Variants in POU6F2 observed in about 807,000 individuals in gnomAD.
POU6F2 encodes the protein POU class 6 homeobox 2.
A neutral mutation model predicts 71.3 loss-of-function variants in POU6F2; 31 were observed. The observed-to-expected ratio is 0.43, with a 90% CI of 0.33 to 0.59. POU6F2 has a LOEUF of 0.59. Among genes scored for constraint, POU6F2 ranks in the 20% least tolerant of loss-of-function variants. The pLI is 0.04. For missense variants in POU6F2, 783 were observed against 856.8 expected (o/e 0.91, Z 1.07); for synonymous variants, 347 against 355.7 (o/e 0.98, Z 0.27).
chr7:39,106,235 A>T (rs1185060482), intron 2 of POU6F2, among the ~76,000 whole-genome samples: 1 of 152,204 alleles, frequency 6.6e-6, no homozygotes, highest in Non-Finnish European at 1.5e-5. Flanking sequence ...GCAGATATTT[A>T]CCAGGATCTG....
At chr7:39,047,099 G>A (rs1161793467) in intron 1 of POU6F2, among the ~76,000 whole-genome samples, 2 of 151,894 alleles carry the variant, frequency 1.3e-5, no homozygotes, top group South Asian at 4.2e-4. Flanking sequence ...CTTGATTACT[G>A]TAGCTTTATA....
At chr7:39,036,233 T>C (rs932671672) in intron 1 of POU6F2, among the ~76,000 whole-genome samples, 1 of 152,144 alleles carries the variant, frequency 6.6e-6, no homozygotes, top group African/African-American at 2.4e-5. Flanking sequence ...TCTAGACTTT[T>C]GTGCAGCAGG....
intron 4 of POU6F2, among the ~76,000 whole-genome samples, chr7:39,232,532 T>A: frequency 6.6e-6 from 1 of 152,206 alleles, no homozygotes; most frequent in Admixed American, 6.5e-5. Flanking sequence ...TCCAATTTTT[T>A]AAGAATGTGT....
At chr7:38,991,873 C>T (rs903913742) in intron 1 of POU6F2, among the ~76,000 whole-genome samples, 1 of 152,004 alleles carries the variant, frequency 6.6e-6, no homozygotes, top group African/African-American at 2.4e-5. Context: ...TCTCTCACAT[C>T]TCTATCTTTA....
At chr7:39,115,629 G>A (rs950670590) in intron 2 of POU6F2, among the ~76,000 whole-genome samples, 5 of 152,138 alleles carry the variant, frequency 3.3e-5, no homozygotes, top group East Asian at 3.9e-4. Flanking sequence ...ATATTACTGA[G>A]AGCAAAGTCA....
intron 5 of POU6F2, among the ~76,000 whole-genome samples, chr7:39,391,721 A>G (rs566576847): frequency 1.3e-5 from 2 of 152,348 alleles, no homozygotes; most frequent in East Asian, 3.9e-4. Flanking sequence ...ACTGTCCTTC[A>G]GTACACAGGC....
At chr7:39,227,882 T>G (rs1374880950) in intron 4 of POU6F2, among the ~76,000 whole-genome samples, 1 of 152,128 alleles carries the variant, frequency 6.6e-6, no homozygotes, top group East Asian at 1.9e-4. Context: ...AAAAACTCCC[T>G]GGTTGAGTGT....
At chr7:39,211,938 G>T (rs1328828252) in intron 4 of POU6F2, among the ~76,000 whole-genome samples, 1 of 152,086 alleles carries the variant, frequency 6.6e-6, no homozygotes, top group Non-Finnish European at 1.5e-5. Flanking sequence ...CTCCTCTAAG[G>T]TCAGGCATCT....
At chr7:39,412,778 CTTTT>C (rs1166811956) in intron 6 of POU6F2, among the ~76,000 whole-genome samples, 3 of 23,188 alleles carry the variant, frequency 1.3e-4, no homozygotes, top group Admixed American at 6.3e-4. Context: ...GTTTTCTTGC[CTTTT>C]TTTTTTTTTT....
chr7:38,994,709 C>G (rs1025707435), intron 1 of POU6F2, among the ~76,000 whole-genome samples: 8 of 151,098 alleles, frequency 5.3e-5, no homozygotes, highest in African/African-American at 1.7e-4. Flanking sequence ...TTTACCACTA[C>G]TCTTCCCCTC....
intron 1 of POU6F2, among the ~76,000 whole-genome samples, chr7:39,072,431 G>A (rs1056444613): frequency 2.6e-5 from 4 of 152,178 alleles, no homozygotes; most frequent in African/African-American, 4.8e-5. Flanking sequence ...ATGTTAGCAA[G>A]TGGATATGGG....
chr7:39,388,445 A>G (rs1164304138), intron 5 of POU6F2, among the ~76,000 whole-genome samples: 1 of 152,112 alleles, frequency 6.6e-6, no homozygotes, highest in East Asian at 1.9e-4. Context: ...CCTCCCAAGT[A>G]GCTGAGACTA....
chr7:39,075,356 C>G (rs1478101344), intron 1 of POU6F2, among the ~76,000 whole-genome samples: 2 of 152,060 alleles, frequency 1.3e-5, no homozygotes, highest in Non-Finnish European at 2.9e-5. Context: ...TGGAAACAGT[C>G]AAGTTTTGAG....
intron 1 of POU6F2, among the ~76,000 whole-genome samples, chr7:38,983,926 T>C (rs1446898816): frequency 6.6e-6 from 1 of 152,146 alleles, no homozygotes; most frequent in African/African-American, 2.4e-5. Flanking sequence ...CTTCAGAAAA[T>C]AGCTTTTTGT....
chr7:39,175,712 C>T (rs1793313111), intron 2 of POU6F2, among the ~76,000 whole-genome samples: 1 of 152,074 alleles, frequency 6.6e-6, no homozygotes, highest in Admixed American at 6.6e-5. Flanking sequence ...CCAGAGAAAC[C>T]ATGAAAATCA....
chr7:39,257,626 C>T (rs1784050932), intron 4 of POU6F2, among the ~76,000 whole-genome samples: 1 of 151,946 alleles, frequency 6.6e-6, no homozygotes, highest in African/African-American at 2.4e-5. Flanking sequence ...CACATACTTG[C>T]AAAGAAAAAG....
chr7:39,413,944 A>G (rs1787612863), intron 6 of POU6F2, among the ~76,000 whole-genome samples: 1 of 152,210 alleles, frequency 6.6e-6, no homozygotes, highest in South Asian at 2.1e-4. Context: ...GAGCCCCTCA[A>G]GATGCCCCAC....
At chr7:39,190,357 A>G (rs935184666) in intron 2 of POU6F2, among the ~76,000 whole-genome samples, 1 of 149,246 alleles carries the variant, frequency 6.7e-6, no homozygotes, top group African/African-American at 2.5e-5. Context: ...AAAGAGCACA[A>G]GAACTTGACC....
chr7:38,990,096 C>A (rs1247385099), intron 1 of POU6F2, among the ~76,000 whole-genome samples: 1 of 152,070 alleles, frequency 6.6e-6, no homozygotes, highest in Non-Finnish European at 1.5e-5. Context: ...CCATTCTTCA[C>A]AAAAACTCAA....
Sources: allele counts gnomAD v4.1 joint callset (sites outside exome capture counted in the v4.1 genomes callset), GRCh38; gene constraint gnomAD v4.1.1; transcripts MANE v1.5; gene names NCBI Gene and HGNC (gene_info 2026-07-23, HGNC 2026-07-21).